MAST4: variants seen among roughly 807,000 people sequenced by gnomAD.
MAST4 encodes microtubule associated serine/threonine kinase family member 4, also known as microtubule-associated serine/threonine-protein kinase 4.
Under a neutral mutation model 162.7 loss-of-function variants are expected in MAST4, and 89 were observed. The observed-to-expected ratio is 0.55, with a 90% CI of 0.46 to 0.65. The LOEUF is 0.65. Among genes scored for constraint, MAST4 ranks in the 30% least tolerant of loss-of-function variants. MAST4 has a pLI of 0.00. For synonymous variants in MAST4, 1,479 were observed against 1,361.1 expected (o/e 1.09, Z -1.91); for missense variants, 3,153 against 3,374.0 (o/e 0.93, Z 1.62).
At chr5:67,155,509 T>G (rs1282168760) in intron 26 of MAST4, among the ~76,000 whole-genome samples, 1 of 152,266 alleles carries the variant, frequency 6.6e-6, no homozygotes, top group Non-Finnish European at 1.5e-5. Flanking sequence ...TAGCCAGGCT[T>G]AACTTCTGTG....
intron 2 of MAST4, 139 bp downstream of exon 2, chr5:66,760,001 T>C: frequency 1.2e-6 from 1 of 834,774 alleles, no homozygotes. Flanking sequence ...TCTTATCTAA[T>C]CCAGAAAGCA....
intron 1 of MAST4, among the ~76,000 whole-genome samples, chr5:66,615,458 C>T (rs61482637): frequency 0.017 from 2,603 of 152,172 alleles, 37 homozygotes; most frequent in African/African-American, 0.044. Flanking sequence ...CTGTGACATC[C>T]GAGGAATAGC....
At position 67,045,665 on chromosome 5, in the gene MAST4, T is replaced by C. The variant is rs568655792; in HGVS notation, c.675-8739T>C. On this transcript the variant is annotated intron_variant, in intron 4 of 28. Coordinates refer to ENST00000403625, the MANE Select transcript of MAST4 (RefSeq NM_001164664.2). ...AGGCAAAATTAAGTAGAGAGTTTCATTGGGGCTAAGTTTGAGGATTGCAAC... is the reference window on the plus strand; with the variant it reads ...AGGCAAAATTAAGTAGAGAGTTTCACTGGGGCTAAGTTTGAGGATTGCAAC... 7.9e-5 allele frequency among the ~76,000 whole-genome samples: 12 copies of C among 152,300 alleles called. No individual in the cohort carries two copies. The South Asian group carries it at 1.0e-3, about 13-fold the overall frequency.
At chr5:66,851,693 G>A (rs1361501340) in intron 3 of MAST4, among the ~76,000 whole-genome samples, 2 of 152,090 alleles carry the variant, frequency 1.3e-5, no homozygotes, top group Non-Finnish European at 2.9e-5. Context: ...GATTACTATA[G>A]TGCATGCACT....
intron 14 of MAST4, among the ~76,000 whole-genome samples, chr5:67,122,411 A>G (rs1463263952): frequency 6.6e-6 from 1 of 152,296 alleles, no homozygotes; most frequent in South Asian, 2.1e-4. Flanking sequence ...GTCAAATGCC[A>G]TATTTCCTAT....
chr5:66,810,292 G>A (rs1337116327), intron 3 of MAST4, among the ~76,000 whole-genome samples: 3 of 152,290 alleles, frequency 2.0e-5, no homozygotes, highest in African/African-American at 7.2e-5. Context: ...AACATAAAGA[G>A]TTAGTTTCTT....
At chr5:66,629,296 C>T (rs1175206430) in intron 1 of MAST4, among the ~76,000 whole-genome samples, 1 of 152,188 alleles carries the variant, frequency 6.6e-6, no homozygotes, top group Non-Finnish European at 1.5e-5. Context: ...GGTTTTGACA[C>T]TGGTGGTTTT....
chr5:67,049,033 A>ACACG (rs1554087433), intron 4 of MAST4, among the ~76,000 whole-genome samples: 3 of 115,220 alleles, frequency 2.6e-5, no homozygotes, highest in Non-Finnish European at 5.4e-5. Flanking sequence ...GTATATATAT[A>ACACG]TATATATACG....
At chr5:66,965,098 T>C (rs1746535086) in intron 4 of MAST4, among the ~76,000 whole-genome samples, 1 of 152,128 alleles carries the variant, frequency 6.6e-6, no homozygotes, top group South Asian at 2.1e-4. Context: ...ACTCTTCTGC[T>C]GATGGGATTA....
chr5:67,148,581 C>T (rs1243918208), intron 23 of MAST4, among the ~76,000 whole-genome samples: 1 of 152,106 alleles, frequency 6.6e-6, no homozygotes, highest in African/African-American at 2.4e-5. Context: ...TTAAAAATAA[C>T]TCCAGTTTAT....
intron 4 of MAST4, among the ~76,000 whole-genome samples, chr5:66,985,217 T>G (rs1749345636): frequency 6.6e-6 from 1 of 152,128 alleles, no homozygotes; most frequent in African/African-American, 2.4e-5. Flanking sequence ...AGTGGTCTTC[T>G]GTGTGGAGTG....
intron 4 of MAST4, among the ~76,000 whole-genome samples, chr5:67,045,545 G>T (rs1319274388): frequency 1.3e-5 from 2 of 152,098 alleles, no homozygotes; most frequent in African/African-American, 4.8e-5. Flanking sequence ...ATATATGAAG[G>T]ACTGCATATA....
Position 66,596,470 on chromosome 5 carries a change from G to T in MAST4, c.-186G>T. 1 of 672,892 alleles carries T rather than the reference G, an allele frequency of 1.5e-6. No individual in the cohort carries two copies. Among genetic ancestry groups the T allele is most frequent in the Non-Finnish European group, 2.1e-6 (1 of 476,286 alleles). 41.7% of individuals were successfully genotyped at this position (672,892 alleles called of 1,614,324 possible). On this transcript the variant is annotated 5_prime_UTR_variant, in exon 1 of 29. Coordinates refer to ENST00000403625, the MANE Select transcript of MAST4 (RefSeq NM_001164664.2). ...CCTCCGTTTGCGGCCGGGCCCGGGC[G>T]GCTGTGAACTTAGCAGCGGGCTCCT...
intron 4 of MAST4, among the ~76,000 whole-genome samples, chr5:66,905,134 C>T (rs1032502495): frequency 1.3e-5 from 2 of 151,974 alleles, no homozygotes; most frequent in African/African-American, 4.8e-5. Flanking sequence ...GGTAAAACCC[C>T]ATGTCTACTG....
intron 3 of MAST4, among the ~76,000 whole-genome samples, chr5:66,832,705 G>T (rs1032190664): frequency 9.9e-5 from 15 of 152,140 alleles, no homozygotes; most frequent in Non-Finnish European, 2.2e-4. Context: ...TCAATAGTAG[G>T]ATCATTACAT....
intron 1 of MAST4, among the ~76,000 whole-genome samples, chr5:66,735,489 G>A (rs1752102716): frequency 6.6e-6 from 1 of 152,098 alleles, no homozygotes; most frequent in African/African-American, 2.4e-5. Flanking sequence ...CAACTACTTG[G>A]AAGAGAGGCT....
At chr5:66,696,594 T>C (rs560217543) in intron 1 of MAST4, among the ~76,000 whole-genome samples, 1 of 152,298 alleles carries the variant, frequency 6.6e-6, no homozygotes, top group South Asian at 2.1e-4. Flanking sequence ...TCCAACTATG[T>C]TTTCTTCCCC....
intron 5 of MAST4, among the ~76,000 whole-genome samples, chr5:67,076,370 C>T (rs1335121830): frequency 6.6e-6 from 1 of 152,194 alleles, no homozygotes; most frequent in Non-Finnish European, 1.5e-5. Flanking sequence ...GGGTCTGAAC[C>T]TTTCTCCTGA....
intron 3 of MAST4, among the ~76,000 whole-genome samples, chr5:66,807,482 G>T (rs1207460586): frequency 6.8e-6 from 1 of 147,388 alleles, no homozygotes; most frequent in Non-Finnish European, 1.5e-5. Context: ...CGGCCTGGGC[G>T]ACAGAGCGAG....
Sources: gnomAD v4.1 joint callset for allele counts (sites outside exome capture counted in the v4.1 genomes callset) on GRCh38, gnomAD v4.1.1 for gene constraint, MANE v1.5 for transcripts, NCBI Gene and HGNC (gene_info 2026-07-23, HGNC 2026-07-21) for gene names.